The following RBFOX1 variants were observed in gnomAD, a reference collection of about 807,000 sequenced individuals.
The protein encoded by RBFOX1 is RNA binding protein fox-1 homolog 1.
Under a neutral mutation model 57.7 loss-of-function variants are expected in RBFOX1, and 8 were observed. The observed-to-expected ratio is 0.14, with a 90% CI of 0.08 to 0.25. The LOEUF (loss-of-function observed/expected upper bound fraction) is 0.25, where lower values mean the gene tolerates loss of function less well. Ranked by LOEUF, RBFOX1 falls within the 10% of genes least tolerant of loss-of-function variation. RBFOX1 has a pLI of 1.00. For missense variants in RBFOX1, 611 were observed against 548.5 expected (o/e 1.11, Z -1.14); for synonymous variants, 326 against 222.4 (o/e 1.47, Z -4.15).
At chr16:6,854,017 T>C (rs914650336) in intron 3 of RBFOX1, among the ~76,000 whole-genome samples, 11 of 152,146 alleles carry the variant, frequency 7.2e-5, no homozygotes, top group African/African-American at 2.7e-4. Context: ...GAAAGAAAGG[T>C]AGAAGGAAGG....
chr16:6,331,240 G>A (rs2082984247), intron 2 of RBFOX1, among the ~76,000 whole-genome samples: 1 of 152,114 alleles, frequency 6.6e-6, no homozygotes, highest in South Asian at 2.1e-4. Flanking sequence ...GTGGTCAGGA[G>A]TTTGAGACCA....
intron 4 of RBFOX1, among the ~76,000 whole-genome samples, chr16:7,181,043 C>T (rs1602060572): frequency 2.6e-5 from 4 of 152,322 alleles, no homozygotes; most frequent in South Asian, 4.1e-4. Context: ...TTTTTAACCA[C>T]AGTCAGCGAG....
chr16:6,240,284 AGAGT>A (rs1321861275), intron 1 of RBFOX1, among the ~76,000 whole-genome samples: 1 of 152,164 alleles, frequency 6.6e-6, no homozygotes, highest in Non-Finnish European at 1.5e-5. Flanking sequence ...TAGCAGTGCA[AGAGT>A]GGCCTAACAC....
chr16:5,814,775 A>C (rs895585680), intron 3 of RBFOX1, among the ~76,000 whole-genome samples: 17 of 151,882 alleles, frequency 1.1e-4, no homozygotes, highest in African/African-American at 3.9e-4. Flanking sequence ...AAAAATACAA[A>C]AAAATTAGCC....
intron 1 of RBFOX1, among the ~76,000 whole-genome samples, chr16:6,188,869 T>G (rs1054690859): frequency 1.3e-4 from 19 of 151,064 alleles, no homozygotes; most frequent in African/African-American, 4.7e-4. Flanking sequence ...CCAAAAGTAG[T>G]AGTGGACTAA....
intron 14 of RBFOX1, chr16:7,693,495 C>A: frequency 1.4e-6 from 1 of 693,684 alleles, no homozygotes; most frequent in Non-Finnish European, 2.3e-6. Context: ...AAAAAAAGAT[C>A]TTATATCTTT....
At chr16:6,936,056 G>C (rs1047510498) in intron 3 of RBFOX1, among the ~76,000 whole-genome samples, 1 of 152,142 alleles carries the variant, frequency 6.6e-6, no homozygotes, top group East Asian at 1.9e-4. Context: ...AGAGTATTTT[G>C]CCTGCGTCAG....
rs1169338929 is a variant in RBFOX1, at chr16:6,097,383, C to T, written c.-127+77391C>T. Among the ~76,000 whole-genome samples, 1 of 152,086 alleles carries T rather than the reference C, an allele frequency of 6.6e-6. No individual in the cohort carries two copies. The highest frequency in any genetic ancestry group is 1.5e-5 in the Non-Finnish European group (1 of 68,020). ...TGCAAGCCGCCACTCTAGAGAAGTA[C>T]CACTCAAACCATGGTCTGCAGACTA... is the stretch of plus-strand genomic sequence containing the variant. On this transcript the variant is annotated intron_variant, in intron 1 of 15. Coordinates refer to ENST00000550418, the MANE Select transcript of RBFOX1 (RefSeq NM_018723.4). The surrounding 1 kb of genome is among the most constrained non-coding windows in gnomAD (Gnocchi z 5.0).
At chr16:6,134,995 C>A (rs1422571686) in intron 1 of RBFOX1, among the ~76,000 whole-genome samples, 1 of 152,174 alleles carries the variant, frequency 6.6e-6, no homozygotes, top group Non-Finnish European at 1.5e-5. Flanking sequence ...TCCGTCCCCC[C>A]TCCCCTGACC....
intron 2 of RBFOX1, among the ~76,000 whole-genome samples, chr16:6,410,834 G>A (rs747918250): frequency 6.2e-4 from 94 of 152,164 alleles, no homozygotes; most frequent in Non-Finnish European, 9.1e-4. Flanking sequence ...AGGCACTGTG[G>A]TCTGCACCAT....
intron 1 of RBFOX1, among the ~76,000 whole-genome samples, chr16:5,421,637 C>T (rs925221879): frequency 1.9e-4 from 29 of 152,194 alleles, no homozygotes; most frequent in African/African-American, 7.0e-4. Context: ...GACCTGGGAA[C>T]ACAGAGGCTC....
At position 6,916,547 on chromosome 16, in the gene RBFOX1, C is replaced by G. The variant is rs146862322; in HGVS notation, c.-15-135510C>G. Among the ~76,000 whole-genome samples, 284 of 151,696 alleles carry G rather than the reference C, an allele frequency of 1.9e-3. 1 individual carries two copies. Among genetic ancestry groups the G allele is most frequent in the Admixed American group, 3.1e-3 (47 of 15,242 alleles). On this transcript the variant is annotated intron_variant, in intron 3 of 15. Coordinates refer to ENST00000550418, the MANE Select transcript of RBFOX1 (RefSeq NM_018723.4). ...TCCAGGACCATTAGTGGCACAGATA[C>G]CACAGTTTAAGAAATCCCATAAATC...
intron 4 of RBFOX1, among the ~76,000 whole-genome samples, chr16:7,089,080 C>G (rs946943278): frequency 1.3e-5 from 2 of 152,180 alleles, no homozygotes; most frequent in African/African-American, 2.4e-5. Context: ...CATTTACACC[C>G]TTGCCCCCTT....
At chr16:7,360,983 C>T (rs952100819) in intron 4 of RBFOX1, among the ~76,000 whole-genome samples, 1 of 152,190 alleles carries the variant, frequency 6.6e-6, no homozygotes, top group African/African-American at 2.4e-5. Flanking sequence ...TCCTCAGCCT[C>T]TGTGTGCCAT....
intron 1 of RBFOX1, among the ~76,000 whole-genome samples, chr16:5,378,905 T>C (rs1449086342): frequency 6.6e-6 from 1 of 151,474 alleles, no homozygotes; most frequent in Non-Finnish European, 1.5e-5. Context: ...ATAGAGAGAT[T>C]TCAAGGGCTT....
At chr16:7,512,315 C>T (rs765775895) in intron 4 of RBFOX1, among the ~76,000 whole-genome samples, 1 of 152,084 alleles carries the variant, frequency 6.6e-6, no homozygotes, top group Non-Finnish European at 1.5e-5. Flanking sequence ...GTGTATTTTT[C>T]CAGAAAATAC....
At chr16:5,960,710 A>T (rs990452039) in intron 4 of RBFOX1, among the ~76,000 whole-genome samples, 1 of 152,156 alleles carries the variant, frequency 6.6e-6, no homozygotes, top group Admixed American at 6.6e-5. Flanking sequence ...CACAGAGCCC[A>T]GCCGCACCTC....
At chr16:6,911,307 G>T (rs1210114746) in intron 3 of RBFOX1, among the ~76,000 whole-genome samples, 1 of 151,990 alleles carries the variant, frequency 6.6e-6, no homozygotes, top group African/African-American at 2.4e-5. Context: ...TTCGGCAACA[G>T]AAATGTTTTG....
chr16:7,439,210 A>G (rs770508624), intron 4 of RBFOX1, among the ~76,000 whole-genome samples: 13 of 152,278 alleles, frequency 8.5e-5, no homozygotes, highest in Non-Finnish European at 1.6e-4. Flanking sequence ...TTGAACTCAG[A>G]AAATCCAGTG....
Sources: gnomAD v4.1 joint callset for allele counts (sites outside exome capture counted in the v4.1 genomes callset) on GRCh38, gnomAD v4.1.1 for gene constraint, Gnocchi (gnomAD v3.1) non-coding constraint, MANE v1.5 for transcripts, NCBI Gene and HGNC (gene_info 2026-07-23, HGNC 2026-07-21) for gene names.